MEIS2: variants seen among roughly 807,000 people sequenced by gnomAD.
MEIS2 encodes the protein Meis homeobox 2.
Under a neutral mutation model 58.6 loss-of-function variants are expected in MEIS2, and 9 were observed. That is an observed-to-expected ratio of 0.15 (90% CI 0.09 to 0.27). MEIS2 has a LOEUF of 0.27. Among genes scored for constraint, MEIS2 ranks in the 10% least tolerant of loss-of-function variants. The probability of loss-of-function intolerance (pLI) is 1.00; values close to 1 mark genes in which losing one functional copy is unlikely to be tolerated. For missense variants in MEIS2, 427 were observed against 635.0 expected, an observed-to-expected ratio of 0.67 and a Z score of 3.52; for synonymous variants, 221 against 228.4, an observed-to-expected ratio of 0.97 and a Z score of 0.29.
intron 7 of MEIS2, among the ~76,000 whole-genome samples, chr15:37,047,569 G>A (rs2062725996): frequency 6.6e-6 from 1 of 152,176 alleles, no homozygotes; most frequent in Non-Finnish European, 1.5e-5. Flanking sequence ...AAGTTGGGCT[G>A]AGGCTGGCCA....
intron 8 of MEIS2, among the ~76,000 whole-genome samples, chr15:36,999,516 C>T (rs756380342): frequency 1.2e-4 from 18 of 152,158 alleles, no homozygotes; most frequent in Non-Finnish European, 2.2e-4. Flanking sequence ...AAGAGTGATG[C>T]TGCTCTGAGA....
At chr15:36,932,093 T>C (rs1044868664) in intron 9 of MEIS2, among the ~76,000 whole-genome samples, 6 of 152,192 alleles carry the variant, frequency 3.9e-5, no homozygotes, top group Non-Finnish European at 8.8e-5. Flanking sequence ...TTTTTTAACA[T>C]ACAGAGATAA....
intron 8 of MEIS2, among the ~76,000 whole-genome samples, chr15:36,970,616 A>G (rs1057034795): frequency 4.6e-5 from 7 of 152,234 alleles, no homozygotes; most frequent in Admixed American, 2.0e-4. Flanking sequence ...ACATAGCACA[A>G]GGAAAGTGAT....
chr15:36,995,956 GATAT>G (rs539738718), intron 8 of MEIS2, among the ~76,000 whole-genome samples: 155 of 112,748 alleles, frequency 1.4e-3, no homozygotes, highest in African/African-American at 4.6e-3. Flanking sequence ...TCTAGTCTGA[GATAT>G]ATATATATAT....
chr15:36,898,878 C>T (rs187740969), intron 9 of MEIS2: 6 of 152,222 alleles, frequency 3.9e-5, no homozygotes, highest in African/African-American at 1.4e-4. Flanking sequence ...GCTAGCAGGT[C>T]TTTATAGAAG....
At chr15:36,896,767 C>T (rs756656940) in intron 9 of MEIS2, 81 bp from the exon 10 acceptor site, 19 of 1,043,072 alleles carry the variant, frequency 1.8e-5, no homozygotes, top group South Asian at 2.7e-5. Flanking sequence ...CTGAGGAGCA[C>T]AAAATACAGT....
At chr15:37,099,006 CGCGGCCCCAGCG>C (rs1189898420) in intron 1 of MEIS2, 17 of 983,304 alleles carry the variant, frequency 1.7e-5, no homozygotes, top group East Asian at 2.3e-4. Flanking sequence ...GCTGCGGCAG[CGCGGCCCCAGCG>C]GCGGCCCCGG....
intron 9 of MEIS2, among the ~76,000 whole-genome samples, chr15:36,920,367 G>A (rs545138954): frequency 6.6e-6 from 1 of 152,140 alleles, no homozygotes; most frequent in East Asian, 1.9e-4. Flanking sequence ...GGTTGGTCTC[G>A]AACTCCCGAC....
At position 36,891,222 on chromosome 15, in the gene MEIS2, G is replaced by T. The variant is rs568556054; in HGVS notation, c.*951C>A. On this transcript the variant is annotated 3_prime_UTR_variant, in exon 12 of 12. Transcript: ENST00000561208. ...GACATACAATACCAATTCCACAGCA[G>T]ATCTGATACTAGCAAAAACATTCTT... The T allele has an allele frequency of 6.6e-6, 1 of 152,252 alleles. No homozygotes were observed. The highest frequency in any genetic ancestry group is 1.5e-5 in the Non-Finnish European group (1 of 67,992). 9.4% of individuals were successfully genotyped at this position (152,252 alleles called of 1,614,324 possible).
intron 7 of MEIS2, among the ~76,000 whole-genome samples, chr15:37,066,886 C>G (rs533825758): frequency 4.6e-4 from 69 of 150,674 alleles, no homozygotes; most frequent in African/African-American, 1.6e-3. Context: ...TCAAGGGATC[C>G]TCCTGCCTCA....
At chr15:37,004,394 A>G (rs1054472139) in intron 8 of MEIS2, among the ~76,000 whole-genome samples, 6 of 152,258 alleles carry the variant, frequency 3.9e-5, no homozygotes, top group African/African-American at 1.4e-4. Flanking sequence ...TTCAAGCACA[A>G]AACAGCCTGA....
chr15:37,053,084 C>T (rs1177221753), intron 7 of MEIS2, among the ~76,000 whole-genome samples: 1 of 152,186 alleles, frequency 6.6e-6, no homozygotes, highest in Admixed American at 6.5e-5. Context: ...GTTGTTCAAC[C>T]TTTTCCCAGG....
chr15:37,027,371 A>T lies in MEIS2; in HGVS notation c.900+9443T>A, dbSNP rs188859510. Reference sequence around the variant, plus strand: ...CTGAGGGACAGTCAGTATTCTCATAACCCAGTCAACTTACCCTGTAATTCC... The same window carrying T: ...CTGAGGGACAGTCAGTATTCTCATATCCCAGTCAACTTACCCTGTAATTCC... On this transcript the variant is annotated intron_variant, in intron 8 of 11. Transcript: ENST00000561208. Among the ~76,000 whole-genome samples the T allele has an allele frequency of 9.3e-4, 142 of 152,294 alleles. 1 individual carries two copies. Among genetic ancestry groups the T allele is most frequent in the Admixed American group, 3.1e-3 (47 of 15,300 alleles).
chr15:36,921,120 G>A (rs773446310), intron 9 of MEIS2, among the ~76,000 whole-genome samples: 10 of 152,168 alleles, frequency 6.6e-5, no homozygotes, highest in Non-Finnish European at 7.3e-5. Context: ...TGCAGCCCCT[G>A]TAGAATAAAG....
In MEIS2 at chr15:36,958,570, G is replaced by A. The variant is rs377717447; in HGVS notation, c.901-8170C>T. Among the ~76,000 whole-genome samples, 28 of 152,154 alleles carry A rather than the reference G, an allele frequency of 1.8e-4. No individual in the cohort carries two copies. The South Asian group carries it at 5.8e-3, about 32-fold the overall frequency. ...ATTTTACCTCTAAACTTCCAAAAAG[G>A]CAACAAAAATATTGCAGATAAGATT... is the stretch of plus-strand genomic sequence containing the variant. On this transcript the variant is annotated intron_variant, in intron 8 of 11. Transcript: ENST00000561208.
chr15:36,917,099 C>A (rs1421482903), intron 9 of MEIS2, among the ~76,000 whole-genome samples: 1 of 152,154 alleles, frequency 6.6e-6, no homozygotes, highest in Non-Finnish European at 1.5e-5. Context: ...TCAGGAGAGG[C>A]CTGCAGCTGA....
At chr15:37,100,904 T>G (rs933965813), upstream of MEIS2, 1 of 151,970 alleles carries the variant, frequency 6.6e-6, no homozygotes, top group Non-Finnish European at 1.5e-5. Flanking sequence ...CTAGTTCATT[T>G]TCCCATCACT....
At chr15:36,947,668 G>T (rs1342855300) in intron 9 of MEIS2, among the ~76,000 whole-genome samples, 1 of 151,832 alleles carries the variant, frequency 6.6e-6, no homozygotes, top group Non-Finnish European at 1.5e-5. Context: ...CTAATTTCCT[G>T]GTCTCAATCG....
chr15:36,962,613 C>T (rs2059223584), intron 8 of MEIS2, among the ~76,000 whole-genome samples: 1 of 151,830 alleles, frequency 6.6e-6, no homozygotes, highest in African/African-American at 2.4e-5. Context: ...GGTTGAGTCC[C>T]CAGATGTGGA....
Sources: allele counts gnomAD v4.1 joint callset (sites outside exome capture counted in the v4.1 genomes callset), GRCh38; gene constraint gnomAD v4.1.1; transcripts MANE v1.5; gene names NCBI Gene and HGNC (gene_info 2026-07-23, HGNC 2026-07-21).